The following CEP152 variants were observed in gnomAD, a reference collection of about 807,000 sequenced individuals.
The protein encoded by CEP152 is centrosomal protein of 152 kDa.
Under a neutral mutation model 188.9 loss-of-function variants are expected in CEP152, and 132 were observed. The observed-to-expected ratio is 0.70, with a 90% CI of 0.61 to 0.81. CEP152 has a LOEUF of 0.81. Ranked by LOEUF, CEP152 falls within the 30% of genes least tolerant of loss-of-function variation. The pLI, the probability that CEP152 is intolerant of heterozygous loss-of-function variation, is 0.00. For missense variants in CEP152, 1,914 were observed against 1,969.8 expected (o/e 0.97, Z 0.54); for synonymous variants, 649 against 666.6 (o/e 0.97, Z 0.41).
intron 2 of CEP152, among the ~76,000 whole-genome samples, chr15:48,803,140 A>T (rs1897778452): frequency 6.6e-6 from 1 of 152,250 alleles, no homozygotes; most frequent in Non-Finnish European, 1.5e-5. Context: ...AAAGTGATTC[A>T]CTAAGTAGAG....
chr15:48,775,788 G>C (rs561917351), intron 12 of CEP152, among the ~76,000 whole-genome samples: 2 of 151,984 alleles, frequency 1.3e-5, no homozygotes, highest in African/African-American at 2.4e-5. Flanking sequence ...AGTTTCTTTG[G>C]GGGGATGTTG....
At chr15:48,746,705 G>A (rs954432310) in intron 22 of CEP152, among the ~76,000 whole-genome samples, 1 of 152,102 alleles carries the variant, frequency 6.6e-6, no homozygotes, top group Admixed American at 6.6e-5. Flanking sequence ...GCTAAGTGCT[G>A]GAACAGGACT....
At chr15:48,736,834 C>G (rs1595577953), downstream of CEP152, among the ~76,000 whole-genome samples, 1 of 152,186 alleles carries the variant, frequency 6.6e-6, no homozygotes, top group African/African-American at 2.4e-5. Context: ...AGGTGAGCAA[C>G]GAGCCTAGAT....
rs1351848817 is a variant in CEP152 at position 48,781,381 on chromosome 15, A to C, written c.1414-22T>G. 9 of 1,567,942 alleles carry C rather than the reference A, an allele frequency of 5.7e-6. No homozygotes were observed. The East Asian group carries it at 1.1e-4, about 20-fold the overall frequency. ...CTTCCTACAACACAAAATTATTAAA[A>C]ATAATTTTCACTATTTTCCTATATG... On this transcript the variant is annotated intron_variant, in intron 11 of 26. Coordinates refer to ENST00000380950, the MANE Select transcript of CEP152 (RefSeq NM_001194998.2).
At position 48,742,709 on chromosome 15, in the gene CEP152, C is replaced by T. The variant is rs144100388; in HGVS notation, c.3836-609G>A. Among the ~76,000 whole-genome samples the T allele has an allele frequency of 5.9e-4, 89 of 151,606 alleles. No individual in the cohort carries two copies. The East Asian group carries it at 0.016, about 27-fold the overall frequency. On this transcript the variant is annotated intron_variant, in intron 24 of 26. Transcript: ENST00000380950. ...GGAGGGTGATGGGACTTATAGTTGG[C>T]CTCTGAAATTTACATATAAACATAG...
At chr15:48,777,170 T>C (rs552080121) in intron 12 of CEP152, among the ~76,000 whole-genome samples, 1 of 152,106 alleles carries the variant, frequency 6.6e-6, no homozygotes, top group Non-Finnish European at 1.5e-5. Context: ...AGAAAAAGTA[T>C]GTTAAATAAA....
At chr15:48,752,235 CA>C (rs1595607124) in intron 21 of CEP152, 113 bp downstream of exon 21, 1 of 1,564,790 alleles carries the variant, frequency 6.4e-7, no homozygotes, top group Admixed American at 1.7e-5. Context: ...GACATTAAGT[CA>C]GACGATTATT....
chr15:48,805,536 T>C (rs1897926432), intron 2 of CEP152, 27 bp downstream of exon 2: 2 of 1,098,496 alleles, frequency 1.8e-6, no homozygotes, highest in Non-Finnish European at 1.2e-6. Context: ...TTAGTGTCTC[T>C]TTTTTTTTTT....
chr15:48,763,079 C>G (rs1894812088), intron 17 of CEP152, among the ~76,000 whole-genome samples: 3 of 152,086 alleles, frequency 2.0e-5, no homozygotes, highest in Admixed American at 2.0e-4. Context: ...GAACCAAAAC[C>G]TGAACAATCT....
rs560219555 is a variant in CEP152, at chr15:48,746,578, C to G, written c.3635-1586G>C. ...TTTCTGGTCTTAAAGTAATTATTAT[C>G]TATCTCTTAGTAATAAGTACTAAGA... On this transcript the variant is annotated intron_variant, in intron 22 of 26. Coordinates refer to ENST00000380950, the MANE Select transcript of CEP152 (RefSeq NM_001194998.2). Among the ~76,000 whole-genome samples the G allele has an allele frequency of 3.2e-4, 49 of 152,228 alleles. 1 individual carries two copies. Among genetic ancestry groups the G allele is most frequent in the African/African-American group, 1.1e-3 (45 of 41,558 alleles).
intron 22 of CEP152, 105 bp from the exon 23 acceptor site, chr15:48,745,097 C>A: frequency 1.3e-6 from 1 of 761,584 alleles, no homozygotes. Context: ...TGTGCAATTT[C>A]CAGTCGCTTT....
intron 12 of CEP152, among the ~76,000 whole-genome samples, chr15:48,779,982 T>A (rs1355270266): frequency 3.3e-5 from 5 of 152,038 alleles, no homozygotes; most frequent in African/African-American, 1.2e-4. Flanking sequence ...TCAGCAACTC[T>A]AGCCTGTTGG....
At chr15:48,747,990 C>T (rs1299955153) in intron 22 of CEP152, among the ~76,000 whole-genome samples, 1 of 152,136 alleles carries the variant, frequency 6.6e-6, no homozygotes, top group African/African-American at 2.4e-5. Context: ...CCTTTCTTAA[C>T]TTTAATAAGA....
chr15:48,776,409 C>A (rs1021450189), intron 12 of CEP152, among the ~76,000 whole-genome samples: 1 of 152,032 alleles, frequency 6.6e-6, no homozygotes, highest in Non-Finnish European at 1.5e-5. Flanking sequence ...ATAGGGACAG[C>A]CTCAGGACGT....
chr15:48,738,968 C>T lies in CEP152; in HGVS notation c.4414G>A (p.Gly1472Ser), dbSNP rs746142826. The change falls in exon 27 of 27, where the codon GGC becomes AGC. Residue 1472 changes from glycine (G) to serine (S), a missense_variant. Transcript: ENST00000380950. ...PEFVPCEGEGGFGLHKKKDLL... is the reference protein window; with the variant it reads ...PEFVPCEGEGSFGLHKKKDLL... Reference sequence around the variant, plus strand: ...TCTTTCTTCTTGTGCAAACCAAAGCCTCCTTCACCTTCACAAGGAACAAAC... The same window carrying T: ...TCTTTCTTCTTGTGCAAACCAAAGCTTCCTTCACCTTCACAAGGAACAAAC... 1.2e-6 allele frequency: 2 copies of T among 1,614,002 alleles called. No homozygotes were observed. The highest frequency in any genetic ancestry group is 1.7e-6 in the Non-Finnish European group (2 of 1,179,912).
chr15:48,758,405 C>T (rs1380952402), intron 19 of CEP152, among the ~76,000 whole-genome samples: 1 of 151,972 alleles, frequency 6.6e-6, no homozygotes, highest in East Asian at 1.9e-4. Flanking sequence ...GTCCAAAGAC[C>T]AGCTGGGAGC....
rs78402284 is a variant in CEP152, at chr15:48,768,733, T to C, written c.1908+223A>G. Among the ~76,000 whole-genome samples, 535 of 152,306 alleles carry C rather than the reference T, an allele frequency of 3.5e-3. 3 individuals carry two copies. Among genetic ancestry groups the C allele is most frequent in the African/African-American group, 0.012 (519 of 41,562 alleles). Reference sequence around the variant, plus strand: ...GAAAGAATACCTCTGTCAGCCATGCTACCATAGAGAAAGAGAACTGGAACT... The same window carrying C: ...GAAAGAATACCTCTGTCAGCCATGCCACCATAGAGAAAGAGAACTGGAACT... On this transcript the variant is annotated intron_variant, in intron 14 of 26. Coordinates refer to ENST00000380950, the MANE Select transcript of CEP152 (RefSeq NM_001194998.2).
In CEP152 at chr15:48,804,971, T is replaced by C. The variant is rs1897886527; in HGVS notation, c.87+592A>G. Among the ~76,000 whole-genome samples the C allele has an allele frequency of 2.0e-5, 3 of 152,336 alleles. No homozygotes were observed. In the South Asian group the frequency reaches 6.2e-4, roughly 32 times the overall value. ...GCTTACACTCATTGGTGTTTTGGCG[T>C]AGACTGCTCTTCCTCAGGCTTCTGC... On this transcript the variant is annotated intron_variant, in intron 2 of 26. Transcript: ENST00000380950.
chr15:48,760,257 C>T lies in CEP152; in HGVS notation c.2572G>A (p.Ala858Thr), dbSNP rs944575444. 1.2e-6 allele frequency: 2 copies of T among 1,613,880 alleles called. No homozygotes were observed. Among genetic ancestry groups the T allele is most frequent in the Non-Finnish European group, 1.7e-6 (2 of 1,179,960 alleles). Residue 858 changes from alanine to threonine, a missense_variant, in exon 19 of 27, where the codon GCT becomes ACT. Ala to Thr is a moderately conservative substitution (Grantham distance 58). Coordinates refer to ENST00000380950, the MANE Select transcript of CEP152 (RefSeq NM_001194998.2). ...CENITKQVEI[A>T]VQNAHQRWLG... ...CATCGCTGATGAGCATTTTGCACAG[C>T]TATTTCTACCTGTAGGACATTGCAA...
Sources: allele counts gnomAD v4.1 joint callset (sites outside exome capture counted in the v4.1 genomes callset), GRCh38; gene constraint gnomAD v4.1.1; transcripts MANE v1.5; gene names NCBI Gene and HGNC (gene_info 2026-07-23, HGNC 2026-07-21).